LRP12: variants seen among roughly 807,000 people sequenced by gnomAD.
LRP12 encodes the protein low-density lipoprotein receptor-related protein 12.
In LRP12, 14 loss-of-function variants were observed where a neutral mutation model predicts 66.0. The observed-to-expected ratio is 0.21, with a 90% CI of 0.14 to 0.33. The LOEUF is 0.33. Ranked by LOEUF, LRP12 falls within the 10% of genes least tolerant of loss-of-function variation. The pLI is 1.00. For missense variants in LRP12, 889 were observed against 1,053.4 expected (o/e 0.84, Z 2.16); for synonymous variants, 357 against 359.1 (o/e 0.99, Z 0.07).
intron 1 of LRP12, 22 bp downstream of exon 1, chr8:104,588,797 G>T: frequency 6.2e-7 from 1 of 1,609,314 alleles, no homozygotes; most frequent in Non-Finnish European, 8.5e-7. Flanking sequence ...GGTCAGCGGG[G>T]CGCGGGGACG....
At chr8:104,495,450 A>G (rs766963056) in intron 5 of LRP12, 130 of 377,394 alleles carry the variant, frequency 3.4e-4, no homozygotes, top group Non-Finnish European at 5.5e-4. Flanking sequence ...CTGAGTTTTA[A>G]TAAATGAAAA....
chr8:104,508,852 A>G (rs543321131), intron 3 of LRP12, 87 bp downstream of exon 3: 7 of 1,217,712 alleles, frequency 5.7e-6, no homozygotes, highest in African/African-American at 1.5e-5. Context: ...CCTTCTTTTT[A>G]TATTACTGCA....
intron 2 of LRP12, among the ~76,000 whole-genome samples, chr8:104,531,480 T>C (rs2140862337): frequency 6.6e-6 from 1 of 152,196 alleles, no homozygotes; most frequent in Non-Finnish European, 1.5e-5. Context: ...AAATAAACTG[T>C]GCGCTCAAAT....
At chr8:104,543,010 T>TATATATATATATAA (rs1564140127) in intron 1 of LRP12, among the ~76,000 whole-genome samples, 17 of 150,148 alleles carry the variant, frequency 1.1e-4, no homozygotes, top group African/African-American at 4.2e-4. Flanking sequence ...TATATATATA[T>TATATATATATATAA]ATAAATATAT....
At chr8:104,567,464 C>A (rs192497033) in intron 1 of LRP12, among the ~76,000 whole-genome samples, 1 of 152,056 alleles carries the variant, frequency 6.6e-6, no homozygotes, top group African/African-American at 2.4e-5. Context: ...TCCCATAACA[C>A]GAGGGAATTC....
At chr8:104,548,859 G>A (rs541120150) in intron 1 of LRP12, among the ~76,000 whole-genome samples, 7 of 151,574 alleles carry the variant, frequency 4.6e-5, no homozygotes, top group African/African-American at 7.3e-5. Flanking sequence ...CAAGAGAATC[G>A]CTTGAATTCA....
intron 1 of LRP12, among the ~76,000 whole-genome samples, chr8:104,582,212 A>C (rs777968097): frequency 3.8e-4 from 58 of 152,190 alleles, no homozygotes; most frequent in Non-Finnish European, 4.7e-4. Flanking sequence ...GTCTCACTCA[A>C]TGACAAAACA....
intron 1 of LRP12, among the ~76,000 whole-genome samples, chr8:104,564,564 C>G (rs906167322): frequency 6.6e-6 from 1 of 151,240 alleles, no homozygotes; most frequent in Admixed American, 6.6e-5. Context: ...AGGGAGTAAT[C>G]AGGGGAGATA....
chr8:104,530,536 C>T (rs1027378353), intron 2 of LRP12, among the ~76,000 whole-genome samples: 3 of 152,194 alleles, frequency 2.0e-5, no homozygotes, highest in African/African-American at 7.2e-5. Context: ...CCTGCCAGCA[C>T]TTTGATGTTG....
chr8:104,566,067 T>C (rs1447768220), intron 1 of LRP12: 5 of 213,130 alleles, frequency 2.3e-5, no homozygotes, highest in East Asian at 9.9e-5. Flanking sequence ...TGGCAGGTCA[T>C]TGGCTTGTTG....
At chr8:104,548,136 T>C (rs1811632532) in intron 1 of LRP12, among the ~76,000 whole-genome samples, 1 of 93,808 alleles carries the variant, frequency 1.1e-5, no homozygotes, top group Non-Finnish European at 1.7e-5. Context: ...AATATATAAT[T>C]ATAATTATAT....
chr8:104,543,075 C>G (rs1811503389), intron 1 of LRP12, among the ~76,000 whole-genome samples: 1 of 151,294 alleles, frequency 6.6e-6, no homozygotes, highest in South Asian at 2.1e-4. Flanking sequence ...ACACTGAGTG[C>G]TGTTACTCAG....
chr8:104,532,912 G>A (rs1397786962), intron 1 of LRP12, among the ~76,000 whole-genome samples: 1 of 152,100 alleles, frequency 6.6e-6, no homozygotes, highest in Non-Finnish European at 1.5e-5. Flanking sequence ...AATGAGGGAT[G>A]TCCTGATGAT....
intron 1 of LRP12, among the ~76,000 whole-genome samples, chr8:104,587,065 C>G (rs1278057059): frequency 6.6e-6 from 1 of 152,150 alleles, no homozygotes; most frequent in Non-Finnish European, 1.5e-5. Context: ...TGCACCAAAA[C>G]AAATTGAGGG....
Position 104,577,704 on chromosome 8 carries a change from G to A in LRP12, c.79+11115C>T, listed in dbSNP as rs142180913. On this transcript the variant is annotated intron_variant, in intron 1 of 6. Coordinates refer to ENST00000276654, the MANE Select transcript of LRP12 (RefSeq NM_013437.5). ...TGGGCACCTGTAGTCTCAGCTACTCGGGAGGGGGAGGCAGGGGAATGGCAT... is the reference window on the plus strand; with the variant it reads ...TGGGCACCTGTAGTCTCAGCTACTCAGGAGGGGGAGGCAGGGGAATGGCAT... Among the ~76,000 whole-genome samples the A allele has an allele frequency of 2.4e-4, 36 of 151,926 alleles. No individual in the cohort carries two copies. The East Asian group carries it at 5.7e-3, about 24-fold the overall frequency.
intron 1 of LRP12, among the ~76,000 whole-genome samples, chr8:104,558,275 T>C (rs1442455922): frequency 1.3e-5 from 2 of 150,534 alleles, no homozygotes; most frequent in African/African-American, 2.4e-5. Flanking sequence ...TGGAACACAA[T>C]AGAGAACCCA....
intron 1 of LRP12, among the ~76,000 whole-genome samples, chr8:104,548,211 A>C (rs1367082444): frequency 9.7e-6 from 1 of 103,482 alleles, no homozygotes; most frequent in Non-Finnish European, 1.7e-5. Flanking sequence ...TGATATATTT[A>C]TATTAATATA....
At chr8:104,500,580 G>C (rs1035793161) in intron 3 of LRP12, among the ~76,000 whole-genome samples, 4 of 152,188 alleles carry the variant, frequency 2.6e-5, no homozygotes, top group African/African-American at 9.7e-5. Flanking sequence ...GTATGTGCCT[G>C]TAATCCCAGC....
chr8:104,503,416 A>T (rs1486397005), intron 3 of LRP12, among the ~76,000 whole-genome samples: 1 of 150,290 alleles, frequency 6.7e-6, no homozygotes, highest in East Asian at 2.0e-4. Context: ...CTGTTCATGT[A>T]TACCCTATTT....
Sources: gnomAD v4.1 joint callset for allele counts (sites outside exome capture counted in the v4.1 genomes callset) on GRCh38, gnomAD v4.1.1 for gene constraint, MANE v1.5 for transcripts, NCBI Gene and HGNC (gene_info 2026-07-23, HGNC 2026-07-21) for gene names.